Variants in TDRD1 observed in about 807,000 individuals in gnomAD.
The protein encoded by TDRD1 is tudor domain-containing protein 1.
A neutral mutation model predicts 140.6 loss-of-function variants in TDRD1; 37 were observed. The observed-to-expected ratio is 0.26, with a 90% CI of 0.20 to 0.35. TDRD1 has a LOEUF of 0.35. Among genes scored for constraint, TDRD1 ranks in the 10% least tolerant of loss-of-function variants. The probability of loss-of-function intolerance (pLI) is 1.00; values close to 1 mark genes in which losing one functional copy is unlikely to be tolerated. For synonymous variants in TDRD1, 506 were observed against 475.7 expected, an observed-to-expected ratio of 1.06 and a Z score of -0.83; for missense variants, 1,243 against 1,393.0, an observed-to-expected ratio of 0.89 and a Z score of 1.71.
At chr10:114,229,181 C>T (rs1197997199) in intron 25 of TDRD1, among the ~76,000 whole-genome samples, 2 of 151,990 alleles carry the variant, frequency 1.3e-5, no homozygotes, top group African/African-American at 4.8e-5. Flanking sequence ...CAGCCAAAAG[C>T]AAAGGAACTT....
exon 26 of TDRD1, chr10:114,231,596 TC>T: frequency 8.3e-7 from 1 of 1,210,348 alleles, no homozygotes; most frequent in Non-Finnish European, 1.2e-6. Flanking sequence ...CTTTTCTTTG[TC>T]CACTTTCTCT....
rs764352995 is a variant in TDRD1, at chr10:114,188,164, A to G, written c.325+8A>G. The G allele has an allele frequency of 6.4e-7, 1 of 1,560,926 alleles. No homozygotes were observed. Among genetic ancestry groups the G allele is most frequent in the East Asian group, 2.2e-5 (1 of 44,552 alleles). ...GGAAAAAATTGCCAGCAGGTGAGTG[A>G]AAACCACAGGCTTCCTACTTCTTCA... On this transcript the variant is annotated splice_region_variant and intron_variant, in intron 2 of 25. Transcript: ENST00000251864.
chr10:114,174,918 G>T (rs1421392026), upstream of TDRD1, among the ~76,000 whole-genome samples: 5 of 152,172 alleles, frequency 3.3e-5, no homozygotes, highest in Non-Finnish European at 7.3e-5. Flanking sequence ...GTCTCTGGAG[G>T]TTTCGCAAAC....
At position 114,188,111 on chromosome 10, in the gene TDRD1, G is replaced by A. The variant is rs371323760; in HGVS notation, c.280G>A (p.Gly94Arg). Reference sequence around the variant, plus strand: ...TTCTTCAAACCCGAATGGCATCAACGGAGAAGTAGTTGGCTCCAAAGGAGA... The same window carrying A: ...TTCTTCAAACCCGAATGGCATCAACAGAGAAGTAGTTGGCTCCAAAGGAGA... Residue 94 changes from glycine (G) to arginine (R), a missense_variant, in exon 2 of 26, where the codon GGA becomes AGA. By Grantham distance (125) the Gly-to-Arg change is moderately radical (BLOSUM62 -2). Transcript: ENST00000251864. 139 of 1,608,278 alleles carry A rather than the reference G, an allele frequency of 8.6e-5. No homozygotes were observed. The highest frequency in any genetic ancestry group is 1.1e-4 in the Non-Finnish European group (125 of 1,177,100).
chr10:114,220,324 G>A (rs557445939), intron 18 of TDRD1, among the ~76,000 whole-genome samples: 11 of 152,200 alleles, frequency 7.2e-5, no homozygotes, highest in East Asian at 3.9e-4. Context: ...GAAAATGCCC[G>A]GTAAAGATAT....
intron 18 of TDRD1, among the ~76,000 whole-genome samples, chr10:114,219,730 A>G (rs1589708354): frequency 1.3e-5 from 2 of 151,990 alleles, no homozygotes; most frequent in African/African-American, 4.8e-5. Context: ...AGCTGGGATT[A>G]CAGGCATGTG....
chr10:114,217,465 G>A (rs1461442889), intron 16 of TDRD1, 80 bp from the exon 17 acceptor site: 10 of 723,846 alleles, frequency 1.4e-5, no homozygotes, highest in African/African-American at 1.1e-4. Context: ...TAAAAATCAC[G>A]TTTTCTGACT....
At chr10:114,194,211 A>C (rs1218937364) in intron 3 of TDRD1, among the ~76,000 whole-genome samples, 1 of 152,154 alleles carries the variant, frequency 6.6e-6, no homozygotes, top group Non-Finnish European at 1.5e-5. Flanking sequence ...AGTTTCATAA[A>C]ATAAATTGAG....
At chr10:114,202,929 T>C in intron 6 of TDRD1, 143 bp from the exon 7 acceptor site, 2 of 662,554 alleles carry the variant, frequency 3.0e-6, no homozygotes, top group Non-Finnish European at 2.7e-6. Context: ...TAGTGACTCT[T>C]GGAGGCCTTC....
chr10:114,222,608 T>C (rs1445707751), exon 21 of TDRD1: 2 of 1,609,346 alleles, frequency 1.2e-6, no homozygotes, highest in Admixed American at 3.4e-5. Context: ...AAGCTGTGCA[T>C]GTTGACAGCT....
chr10:114,192,292 CTTTTTTTTT>C lies in TDRD1; in HGVS notation c.384+1294_384+1302del, dbSNP rs938140798. Among the ~76,000 whole-genome samples, 14 of 75,116 alleles carry C rather than the reference CTTTTTTTTT, an allele frequency of 1.9e-4. No homozygotes were observed. In the South Asian group the frequency reaches 2.2e-3, roughly 12 times the overall value. The allele number at this position is 75,116 out of a possible 152,430, so 49.3% of individuals were successfully genotyped here. A position where few individuals can be genotyped will look rare whatever the true frequency, so the allele number is the denominator to read the frequency against. On this transcript the variant is annotated intron_variant, in intron 3 of 25. Coordinates refer to ENST00000251864, the Ensembl canonical transcript of TDRD1. ...TCCCCAAAAAAGTTTGATAGTTTTC[CTTTTTTTTT>C]TTTTTTTTTTTTTTTTTTTTGAGAC...
At chr10:114,185,595 C>A (rs1049062598) in intron 1 of TDRD1, among the ~76,000 whole-genome samples, 9 of 151,670 alleles carry the variant, frequency 5.9e-5, no homozygotes, top group Non-Finnish European at 1.3e-4. Flanking sequence ...TTTTTGTTTT[C>A]TTTTATTTCA....
rs74396341 is a variant in TDRD1, at chr10:114,188,206, G to A, written c.325+50G>A. On this transcript the variant is annotated intron_variant, in intron 2 of 25. Transcript: ENST00000251864. ...ACTTCTTCATTCTCATGGTTTCTGTGACTTACCAGAAGTATATATAACCAC... is the reference window on the plus strand; with the variant it reads ...ACTTCTTCATTCTCATGGTTTCTGTAACTTACCAGAAGTATATATAACCAC... 1,582 of 1,496,374 alleles carry A rather than the reference G, an allele frequency of 1.1e-3. 11 individuals carry two copies. In the African/African-American group the frequency reaches 0.02, roughly 19 times the overall value. The allele number at this position is 1,496,374 out of a possible 1,614,324, so 92.7% of individuals were successfully genotyped here.
chr10:114,192,761 T>C (rs1186635172), intron 3 of TDRD1, among the ~76,000 whole-genome samples: 1 of 152,184 alleles, frequency 6.6e-6, no homozygotes, highest in African/African-American at 2.4e-5. Flanking sequence ...ATTGGACATA[T>C]TTGTGTCAGT....
At chr10:114,217,625 A>G (rs1156473665) in exon 17 of TDRD1, 4 of 1,605,094 alleles carry the variant, frequency 2.5e-6, no homozygotes, top group Non-Finnish European at 3.4e-6. Flanking sequence ...CAAGGCAGAG[A>G]TAGGACAACC....
At chr10:114,176,072 A>G (rs2032689445), upstream of TDRD1, among the ~76,000 whole-genome samples, 1 of 152,220 alleles carries the variant, frequency 6.6e-6, no homozygotes, top group African/African-American at 2.4e-5. This position sits in a 1 kb window ranked among gnomAD's most constrained non-coding sequence, Gnocchi z 4.2. Context: ...GGTAATGGTC[A>G]TCTGTGAATC....
exon 14 of TDRD1, chr10:114,211,904 G>C (rs754572469): frequency 1.3e-6 from 2 of 1,589,940 alleles, no homozygotes; most frequent in East Asian, 4.6e-5. Flanking sequence ...TTTGGCTTAC[G>C]CTTCTGAAGA....
chr10:114,227,816 C>CAAGG, intron 23 of TDRD1, 94 bp from the exon 24 acceptor site: 1 of 962,522 alleles, frequency 1.0e-6, no homozygotes, highest in Non-Finnish European at 1.6e-6. Flanking sequence ...AACCCATGCG[C>CAAGG]AAGGGGGAGA....
At chr10:114,203,258 G>A (rs936166313) in intron 7 of TDRD1, 82 bp downstream of exon 7, 12 of 1,477,114 alleles carry the variant, frequency 8.1e-6, no homozygotes, top group African/African-American at 2.8e-5. Context: ...AGTTCATGCG[G>A]TAGCTACAAA....
Sources: allele counts gnomAD v4.1 joint callset (sites outside exome capture counted in the v4.1 genomes callset), GRCh38; gene constraint gnomAD v4.1.1; non-coding constraint Gnocchi (gnomAD v3.1); transcripts MANE v1.5; gene names NCBI Gene and HGNC (gene_info 2026-07-23, HGNC 2026-07-21).